Variants in CSMD1 observed in about 807,000 individuals in gnomAD.
The protein encoded by CSMD1 is CUB and Sushi multiple domains 1.
A neutral mutation model predicts 417.5 loss-of-function variants in CSMD1; 213 were observed. That is an observed-to-expected ratio of 0.51 (90% CI 0.46 to 0.57). CSMD1 has a LOEUF of 0.57. Among genes scored for constraint, CSMD1 ranks in the 20% least tolerant of loss-of-function variants. The pLI is 0.00. For synonymous variants in CSMD1, 2,862 were observed against 1,736.8 expected, an observed-to-expected ratio of 1.65 and a Z score of -16.11; for missense variants, 6,923 against 4,529.7, an observed-to-expected ratio of 1.53 and a Z score of -15.17.
At chr8:4,662,385 GA>G (rs1230711062) in intron 1 of CSMD1, among the ~76,000 whole-genome samples, 1 of 152,142 alleles carries the variant, frequency 6.6e-6, no homozygotes, top group Non-Finnish European at 1.5e-5. Flanking sequence ...AATTGCTGAG[GA>G]AAAGGCATTA....
At chr8:3,912,533 C>G (rs1047841452) in intron 5 of CSMD1, among the ~76,000 whole-genome samples, 6 of 152,068 alleles carry the variant, frequency 3.9e-5, no homozygotes, top group African/African-American at 1.4e-4. Flanking sequence ...ACAGAGGGGG[C>G]TGGTTAATCT....
At chr8:4,404,062 C>T (rs754148845) in intron 3 of CSMD1, among the ~76,000 whole-genome samples, 20 of 152,144 alleles carry the variant, frequency 1.3e-4, no homozygotes, top group African/African-American at 2.7e-4. Context: ...AAACACTCTA[C>T]GCCAGAGCTT....
chr8:4,679,585 A>C (rs1448419745), intron 1 of CSMD1, among the ~76,000 whole-genome samples: 2 of 152,180 alleles, frequency 1.3e-5, no homozygotes, highest in African/African-American at 4.8e-5. Context: ...GAAAACTGCA[A>C]TAAGTTCTCT....
chr8:4,891,114 T>C (rs1804093223), intron 1 of CSMD1, among the ~76,000 whole-genome samples: 1 of 152,150 alleles, frequency 6.6e-6, no homozygotes, highest in Non-Finnish European at 1.5e-5. Context: ...AAAGCCTTCC[T>C]GAGAGCAGAG....
intron 7 of CSMD1, among the ~76,000 whole-genome samples, chr8:3,641,536 C>A (rs1385090553): frequency 2.0e-5 from 3 of 152,160 alleles, no homozygotes; most frequent in African/African-American, 7.2e-5. Context: ...TTTCAGCACA[C>A]AGAAAGGGAG....
At chr8:4,649,111 T>A (rs1803720865) in intron 1 of CSMD1, among the ~76,000 whole-genome samples, 1 of 152,178 alleles carries the variant, frequency 6.6e-6, no homozygotes, top group African/African-American at 2.4e-5. Flanking sequence ...GATACACCTG[T>A]CATTATATGA....
intron 3 of CSMD1, among the ~76,000 whole-genome samples, chr8:4,313,121 G>T (rs965435333): frequency 2.6e-5 from 4 of 152,030 alleles, no homozygotes; most frequent in Non-Finnish European, 4.4e-5. Context: ...GTCCCTTATT[G>T]GTCCCTTAGA....
intron 2 of CSMD1, among the ~76,000 whole-genome samples, chr8:4,594,680 G>T (rs149643769): frequency 6.6e-6 from 1 of 152,204 alleles, no homozygotes; most frequent in South Asian, 2.1e-4. Flanking sequence ...CCCATGTGTT[G>T]CCTTTGTAAT....
intron 3 of CSMD1, among the ~76,000 whole-genome samples, chr8:4,149,764 T>A (rs764013373): frequency 6.6e-5 from 10 of 152,218 alleles, no homozygotes; most frequent in Non-Finnish European, 8.8e-5. Context: ...CAGGCCTTGC[T>A]GGATGTGTCG....
At chr8:3,996,127 G>A (rs1317208621) in intron 5 of CSMD1, among the ~76,000 whole-genome samples, 2 of 152,080 alleles carry the variant, frequency 1.3e-5, no homozygotes, top group South Asian at 2.1e-4. Flanking sequence ...AAGTTTCTTT[G>A]GCAAAAGCTG....
intron 3 of CSMD1, among the ~76,000 whole-genome samples, chr8:4,342,994 G>A (rs145590073): frequency 2.8e-4 from 42 of 152,088 alleles, no homozygotes; most frequent in African/African-American, 4.1e-4. Flanking sequence ...AAGCTGTAGC[G>A]TAGATTGCAG....
At chr8:3,915,353 C>T (rs996698951) in intron 5 of CSMD1, among the ~76,000 whole-genome samples, 2 of 139,096 alleles carry the variant, frequency 1.4e-5, no homozygotes, top group Non-Finnish European at 3.0e-5. Flanking sequence ...TTGCAGTGAG[C>T]TTAGATAGTG....
intron 3 of CSMD1, among the ~76,000 whole-genome samples, chr8:4,111,502 A>G (rs1801853340): frequency 6.6e-6 from 1 of 152,210 alleles, no homozygotes; most frequent in Non-Finnish European, 1.5e-5. Flanking sequence ...CACAATAGCA[A>G]AGACATGGAA....
At chr8:3,231,624 T>C (rs1322999456) in intron 26 of CSMD1, among the ~76,000 whole-genome samples, 2 of 150,880 alleles carry the variant, frequency 1.3e-5, no homozygotes, top group Non-Finnish European at 3.0e-5. Context: ...TCAGACATTT[T>C]TAACCTAATA....
chr8:3,405,714 C>T lies in CSMD1; in HGVS notation c.2266+313G>A, dbSNP rs1406899741. 2.0e-5 allele frequency among the ~76,000 whole-genome samples: 3 copies of T among 152,208 alleles called. No individual in the cohort carries two copies. The East Asian group carries it at 5.8e-4, about 29-fold the overall frequency. On this transcript the variant is annotated intron_variant, in intron 15 of 69. Coordinates refer to ENST00000635120, the MANE Select transcript of CSMD1 (RefSeq NM_033225.6). ...GGAGAGCTCCTTTTGAGTCTGGAGG[C>T]AGAGATGAGGGTGAGGCTTCTCCAG... is the stretch of plus-strand genomic sequence containing the variant.
chr8:4,707,664 A>G (rs563153998), intron 1 of CSMD1, among the ~76,000 whole-genome samples: 55 of 152,108 alleles, frequency 3.6e-4, no homozygotes, highest in African/African-American at 1.2e-3. Context: ...AGGCGGGCGG[A>G]TCACCTGAGG....
At chr8:3,183,133 C>T (rs1249509893) in intron 36 of CSMD1, 1 of 146,460 alleles carries the variant, frequency 6.8e-6, no homozygotes, top group African/African-American at 2.6e-5. Flanking sequence ...TCGAGTAGGT[C>T]TCTAACGCCT....
Position 3,986,384 on chromosome 8 carries a change from A to C in CSMD1, c.818+11519T>G, listed in dbSNP as rs572792456. On this transcript the variant is annotated intron_variant, in intron 5 of 69. Transcript: ENST00000635120. ...GAGACACCCCCAGCCAACCTTCCTA[A>C]CCACAGGCCCTGGACATTTCACTGT... Among the ~76,000 whole-genome samples, 7 of 152,106 alleles carry C rather than the reference A, an allele frequency of 4.6e-5. No individual in the cohort carries two copies. The East Asian group carries it at 1.2e-3, about 25-fold the overall frequency.
rs187261273 is a variant in CSMD1, at chr8:4,952,473, G to C, written c.85+41859C>G. Among the ~76,000 whole-genome samples the C allele has an allele frequency of 5.3e-5, 8 of 151,926 alleles. No individual in the cohort carries two copies. The East Asian group carries it at 7.7e-4, about 15-fold the overall frequency. On this transcript the variant is annotated intron_variant, in intron 1 of 69. Coordinates refer to ENST00000635120, the MANE Select transcript of CSMD1 (RefSeq NM_033225.6). ...TCAATTACCTATGTCTAAAAGAAAAGGCAAAATATTTAAGGACATAAAAGT... is the reference window on the plus strand; with the variant it reads ...TCAATTACCTATGTCTAAAAGAAAACGCAAAATATTTAAGGACATAAAAGT...
Sources: allele counts gnomAD v4.1 joint callset (sites outside exome capture counted in the v4.1 genomes callset), GRCh38; gene constraint gnomAD v4.1.1; transcripts MANE v1.5; gene names NCBI Gene and HGNC (gene_info 2026-07-23, HGNC 2026-07-21).